Variants in ARL15 observed in about 807,000 individuals in gnomAD.
ARL15 encodes the protein ARF like GTPase 15, also known as ADP-ribosylation factor-like protein 15.
In ARL15, 19 loss-of-function variants were observed where a neutral mutation model predicts 25.2. The observed-to-expected ratio is 0.75, with a 90% CI of 0.53 to 1.10. The LOEUF (loss-of-function observed/expected upper bound fraction) is 1.10. Ranked by LOEUF, ARL15 falls within the 50% of genes least tolerant of loss-of-function variation. ARL15 has a pLI of 0.00. For missense variants in ARL15, 220 were observed against 246.0 expected (o/e 0.89, Z 0.71); for synonymous variants, 94 against 86.8 (o/e 1.08, Z -0.46).
At chr5:54,053,390 A>C (rs551171942) in intron 4 of ARL15, among the ~76,000 whole-genome samples, 1 of 152,344 alleles carries the variant, frequency 6.6e-6, no homozygotes, top group South Asian at 2.1e-4. Context: ...ATTCCAAATA[A>C]TTTGTGTAGG....
intron 4 of ARL15, among the ~76,000 whole-genome samples, chr5:54,059,625 T>C (rs1169954689): frequency 6.6e-6 from 1 of 152,332 alleles, no homozygotes; most frequent in East Asian, 1.9e-4. Context: ...TTTCAATGGT[T>C]ACCTCTACCA....
intron 4 of ARL15, among the ~76,000 whole-genome samples, chr5:54,063,476 A>T (rs1025595229): frequency 6.6e-6 from 1 of 152,226 alleles, no homozygotes; most frequent in Non-Finnish European, 1.5e-5. Flanking sequence ...TAGTAAGATG[A>T]GCAGTAAACC....
intron 1 of ARL15, among the ~76,000 whole-genome samples, chr5:54,250,469 A>C (rs924144267): frequency 1.3e-5 from 2 of 152,240 alleles, no homozygotes; most frequent in African/African-American, 4.8e-5. Flanking sequence ...CAGCATGATG[A>C]TGAGAAGCAA....
chr5:54,004,640 C>T (rs1748958120), intron 4 of ARL15, among the ~76,000 whole-genome samples: 1 of 152,184 alleles, frequency 6.6e-6, no homozygotes, highest in South Asian at 2.1e-4. Flanking sequence ...TGCCGCCTCT[C>T]TATCACAGAG....
intron 4 of ARL15, among the ~76,000 whole-genome samples, chr5:53,890,866 T>A (rs1373509974): frequency 1.3e-5 from 2 of 152,206 alleles, no homozygotes; most frequent in Admixed American, 1.3e-4. Context: ...TGTGAGACAT[T>A]ACATAGCACT....
chr5:54,113,476 A>G (rs1752804007), intron 3 of ARL15, 66 bp from the exon 4 acceptor site: 3 of 1,463,318 alleles, frequency 2.1e-6, no homozygotes, highest in African/African-American at 2.8e-5. Context: ...TGTTCCCAAC[A>G]GTAATTCCTA....
chr5:54,289,694 G>A (rs1758277954), intron 1 of ARL15, among the ~76,000 whole-genome samples: 1 of 152,184 alleles, frequency 6.6e-6, no homozygotes, highest in Admixed American at 6.5e-5. Flanking sequence ...AGGAGCTTGG[G>A]CAAGTTGCTT....
At chr5:53,914,962 C>T (rs1745590623) in intron 4 of ARL15, among the ~76,000 whole-genome samples, 1 of 152,222 alleles carries the variant, frequency 6.6e-6, no homozygotes, top group Non-Finnish European at 1.5e-5. Context: ...AGGCATGTGC[C>T]AGCACGCCCA....
At chr5:54,276,763 TGAGTGTCAGAGTCATA>T (rs1245968364) in intron 1 of ARL15, among the ~76,000 whole-genome samples, 1 of 152,184 alleles carries the variant, frequency 6.6e-6, no homozygotes, top group Non-Finnish European at 1.5e-5. Context: ...GAGGGAGACA[TGAGTGTCAGAGTCATA>T]GAGGAGATGT....
chr5:53,977,125 G>A (rs1163237675), intron 4 of ARL15, among the ~76,000 whole-genome samples: 3 of 152,066 alleles, frequency 2.0e-5, no homozygotes, highest in Non-Finnish European at 2.9e-5. Context: ...TTGGGAGGCC[G>A]AGGCGGGCGG....
intron 1 of ARL15, among the ~76,000 whole-genome samples, chr5:54,240,003 G>A (rs567674442): frequency 2.0e-5 from 3 of 152,066 alleles, no homozygotes; most frequent in East Asian, 1.9e-4. Flanking sequence ...CGAGGCAGGC[G>A]GATCACGAGG....
intron 1 of ARL15, among the ~76,000 whole-genome samples, chr5:54,259,018 T>C (rs1757433545): frequency 1.3e-5 from 2 of 152,332 alleles, no homozygotes; most frequent in South Asian, 2.1e-4. Flanking sequence ...TGTTGTCCAG[T>C]GGAGACACTT....
At chr5:54,013,761 A>G (rs1749316579) in intron 4 of ARL15, among the ~76,000 whole-genome samples, 1 of 152,188 alleles carries the variant, frequency 6.6e-6, no homozygotes, top group African/African-American at 2.4e-5. Context: ...CCCCACCCAC[A>G]GGCTGACTCA....
intron 1 of ARL15, among the ~76,000 whole-genome samples, chr5:54,305,855 A>G (rs1758740889): frequency 6.6e-6 from 1 of 152,206 alleles, no homozygotes; most frequent in Admixed American, 6.5e-5. Flanking sequence ...GGGAGGGTGG[A>G]GGCTACTATA....
chr5:54,078,643 A>G (rs1296119177), intron 4 of ARL15, among the ~76,000 whole-genome samples: 2 of 152,230 alleles, frequency 1.3e-5, no homozygotes, highest in East Asian at 1.9e-4. Context: ...CCTCCCTAAC[A>G]TTAATAGCTA....
chr5:54,235,142 ACACTC>A (rs980289999), intron 1 of ARL15, among the ~76,000 whole-genome samples: 1 of 152,230 alleles, frequency 6.6e-6, no homozygotes, highest in Non-Finnish European at 1.5e-5. Context: ...TATTAAAACT[ACACTC>A]AACTTACAAC....
chr5:54,274,180 G>A (rs576288872), intron 1 of ARL15, among the ~76,000 whole-genome samples: 1 of 152,232 alleles, frequency 6.6e-6, no homozygotes, highest in South Asian at 2.1e-4. Context: ...GGAGCCCAGG[G>A]CATGAGCAGG....
At chr5:53,893,409 A>T (rs1207939729) in intron 4 of ARL15, among the ~76,000 whole-genome samples, 1 of 152,202 alleles carries the variant, frequency 6.6e-6, no homozygotes, top group East Asian at 1.9e-4. Context: ...GATTGAGACC[A>T]TCCTGGCTAA....
intron 4 of ARL15, among the ~76,000 whole-genome samples, chr5:53,934,880 G>A (rs979170736): frequency 6.6e-6 from 1 of 152,164 alleles, no homozygotes; most frequent in African/African-American, 2.4e-5. Flanking sequence ...TATTCAAGCT[G>A]GTAACATCAC....
Sources: allele counts gnomAD v4.1 joint callset (sites outside exome capture counted in the v4.1 genomes callset), GRCh38; gene constraint gnomAD v4.1.1; transcripts MANE v1.5; gene names NCBI Gene and HGNC (gene_info 2026-07-23, HGNC 2026-07-21).